The following MTFMT variants were observed in gnomAD, a reference collection of about 807,000 sequenced individuals.
MTFMT encodes mitochondrial methionyl-tRNA formyltransferase, also known as methionyl-tRNA formyltransferase, mitochondrial.
Under a neutral mutation model 51.8 loss-of-function variants are expected in MTFMT, and 47 were observed. The observed-to-expected ratio is 0.91, with a 90% CI of 0.72 to 1.16. The LOEUF is 1.16. MTFMT is among the 50% of genes most tolerant of loss of function. The probability of loss-of-function intolerance (pLI) is 0.00; values close to 1 mark genes in which losing one functional copy is unlikely to be tolerated. For missense variants in MTFMT, 512 were observed against 482.3 expected (o/e 1.06, Z -0.58); for synonymous variants, 196 against 176.7 (o/e 1.11, Z -0.87).
chr15:65,025,779 G>C (rs2086417832), intron 2 of MTFMT, among the ~76,000 whole-genome samples: 1 of 152,136 alleles, frequency 6.6e-6, no homozygotes. Context: ...TAGGTATTAG[G>C]GGACTAGAGT....
At chr15:65,027,076 A>G in intron 1 of MTFMT, 36 bp from the exon 2 acceptor site, 1 of 1,520,198 alleles carries the variant, frequency 6.6e-7, no homozygotes, top group East Asian at 2.3e-5. Context: ...GACAGTGTTA[A>G]GGCAATGACT....
intron 1 of MTFMT, 128 bp downstream of exon 1, chr15:65,029,277 A>G: frequency 1.5e-6 from 2 of 1,296,354 alleles, no homozygotes; most frequent in South Asian, 2.3e-5. Flanking sequence ...AGACGCCGAG[A>G]TCTGGGCCCA....
In MTFMT at chr15:65,027,147, T is replaced by C. The variant is rs1595893777; in HGVS notation, c.210-107A>G. The C allele has an allele frequency of 2.3e-5, 18 of 792,218 alleles. No individual in the cohort carries two copies. The East Asian group carries it at 4.8e-4, about 21-fold the overall frequency. The allele number at this position is 792,218 out of a possible 1,614,324, so 49.1% of individuals were successfully genotyped here. Reference sequence around the variant, plus strand: ...TTTATGATTAATCTCATGAAGCATTTAGGGCTAAATGATTAAAACTAGTGT... The same window carrying C: ...TTTATGATTAATCTCATGAAGCATTCAGGGCTAAATGATTAAAACTAGTGT... On this transcript the variant is annotated intron_variant, in intron 1 of 8. Transcript: ENST00000220058.
chr15:65,016,566 TCAGTGTCCATGAATTGA>T, intron 5 of MTFMT, 39 bp from the exon 6 acceptor site: 1 of 1,363,228 alleles, frequency 7.3e-7, no homozygotes, highest in Non-Finnish European at 1.0e-6. Flanking sequence ...AACATCAGGG[TCAGTGTCCATGAATTGA>T]CAGCTATTGA....
rs2140485903 is a variant in MTFMT at position 65,021,503 on chromosome 15, G to C, written c.645+11C>G. Reference sequence around the variant, plus strand: ...ATGAGTAAAAAGCAGTAGGATATTGGGGAATTATACCATGTTGGCACCCAG... The same window carrying C: ...ATGAGTAAAAAGCAGTAGGATATTGCGGAATTATACCATGTTGGCACCCAG... On this transcript the variant is annotated intron_variant, in intron 4 of 8. Transcript: ENST00000220058. 6.3e-7 allele frequency: 1 copy of C among 1,590,194 alleles called. No individual in the cohort carries two copies. Among genetic ancestry groups the C allele is most frequent in the Non-Finnish European group, 8.6e-7 (1 of 1,159,366 alleles).
At chr15:65,015,437 T>C (rs901369949) in intron 6 of MTFMT, among the ~76,000 whole-genome samples, 1 of 152,222 alleles carries the variant, frequency 6.6e-6, no homozygotes, top group East Asian at 1.9e-4. Context: ...ATAATAACTA[T>C]AACATGAGTC....
rs749250129 is a variant in MTFMT at position 65,003,100 on chromosome 15, G to T, written c.1132C>A (p.Gln378Lys). ...TGTTGCATAGCAACAGTTTTTTTCT[G>T]CTTCTTCTTTGTTGGAAGTCTGAGA... ...QTLRLPTKKK[Q>K]KKTVAMQQCI... is the part of the protein sequence containing the mutation. Residue 378 changes from glutamine (Q) to lysine (K), a missense_variant, in exon 9 of 9, where the codon CAG becomes AAG. Gln to Lys is a moderately conservative substitution (Grantham distance 53). Transcript: ENST00000220058. 3.1e-6 allele frequency: 5 copies of T among 1,600,568 alleles called. No individual in the cohort carries two copies. The highest frequency in any genetic ancestry group is 3.4e-5 in the Admixed American group (2 of 58,050).
intron 2 of MTFMT, among the ~76,000 whole-genome samples, chr15:65,025,151 T>C (rs1406484488): frequency 6.6e-6 from 1 of 151,396 alleles, no homozygotes; most frequent in Non-Finnish European, 1.5e-5. Context: ...TCCCAAAACT[T>C]TGGGAGGCCA....
chr15:65,005,087 AC>A (rs1333262511), intron 7 of MTFMT, among the ~76,000 whole-genome samples, 151 bp from the exon 8 acceptor site: 1 of 152,252 alleles, frequency 6.6e-6, no homozygotes, highest in African/African-American at 2.4e-5. Context: ...ACCAAAACTT[AC>A]AAGGAAACCA....
Position 65,002,631 on chromosome 15 carries a change from ATCTTC to A in MTFMT, c.*426_*430del, listed in dbSNP as rs1035318385. The A allele has an allele frequency of 6.6e-6, 1 of 151,918 alleles. No individual in the cohort carries two copies. Among genetic ancestry groups the A allele is most frequent in the African/African-American group, 2.4e-5 (1 of 41,310 alleles). The allele number at this position is 151,918 out of a possible 1,614,324, so 9.4% of individuals were successfully genotyped here. On this transcript the variant is annotated 3_prime_UTR_variant, in exon 9 of 9. Coordinates refer to ENST00000220058, the MANE Select transcript of MTFMT (RefSeq NM_139242.4). ...GAGGCAATCCATCTTTTCGGCAATA[ATCTTC>A]TCTTCTTATAATAATGCCATCTTCT...
chr15:65,005,997 G>T, intron 7 of MTFMT, 116 bp downstream of exon 7: 2 of 632,826 alleles, frequency 3.2e-6, no homozygotes, highest in Non-Finnish European at 2.7e-6. Context: ...TATAATTACT[G>T]AACTGAAACA....
At chr15:65,003,399 C>CCTG in intron 8 of MTFMT, 143 bp from the exon 9 acceptor site, 1 of 634,860 alleles carries the variant, frequency 1.6e-6, no homozygotes. Context: ...CAGCACTACA[C>CCTG]TAAGTAACAT....
Position 65,004,867 on chromosome 15 carries a change from AAT to A in MTFMT, c.960_961del (p.Leu321GlyfsTer23). 1 of 1,602,142 alleles carries A rather than the reference AAT, an allele frequency of 6.2e-7. No individual in the cohort carries two copies. The highest frequency in any genetic ancestry group is 1.1e-5 in the South Asian group (1 of 89,380). The stretch of plus-strand genomic sequence containing the variant: ...TGAAAAACATACCTTGCAATAAACC[AAT>A]AGTATTTGTGACTGTTTGTGGTATA... On this transcript the variant is annotated frameshift_variant, in exon 8 of 9. Coordinates refer to ENST00000220058, the MANE Select transcript of MTFMT (RefSeq NM_139242.4). LOFTEE classifies it high-confidence loss of function.
rs780653705 is a variant in MTFMT, at chr15:65,003,245, A to T, written c.987T>A (p.Ile329=). The change falls in exon 9 of 9, where the codon ATT becomes ATA. Residue 329 remains isoleucine (I), a synonymous_variant. Transcript: ENST00000220058. ...TCTTGAGCATCACTGATCGAACACCAATCCAACCATCCTAAAGGGCAAAAT... is the reference window on the plus strand; with the variant it reads ...TCTTGAGCATCACTGATCGAACACCTATCCAACCATCCTAAAGGGCAAAAT... ...ILLVYCKDGW[I]GVRSVMLKKS... is the part of the protein sequence containing the mutation. 6.2e-7 allele frequency: 1 copy of T among 1,612,938 alleles called. No homozygotes were observed. Among genetic ancestry groups the T allele is most frequent in the Non-Finnish European group, 8.5e-7 (1 of 1,179,296 alleles).
rs71447831 is a variant in MTFMT at position 65,013,287 on chromosome 15, C to CTTTTTT, written c.813+3143_813+3148dup. On this transcript the variant is annotated intron_variant, in intron 6 of 8. Transcript: ENST00000220058. The stretch of plus-strand genomic sequence containing the variant: ...TCTTTTATTTTCTTTCTTTCTTCTT[C>CTTTTTT]TTTTTTTTTTAAGAGACAAAGTCTG... Among the ~76,000 whole-genome samples, 489 of 142,782 alleles carry CTTTTTT rather than the reference C, an allele frequency of 3.4e-3. 8 individuals are homozygous for CTTTTTT. Among genetic ancestry groups the CTTTTTT allele is most frequent in the African/African-American group, 9.7e-3 (356 of 36,710 alleles). The allele number at this position is 142,782 out of a possible 152,430, so 93.7% of individuals were successfully genotyped here. A position where few individuals can be genotyped will look rare whatever the true frequency, so the allele number is the denominator to read the frequency against.
At chr15:65,014,237 C>T (rs1431470537) in intron 6 of MTFMT, among the ~76,000 whole-genome samples, 1 of 152,070 alleles carries the variant, frequency 6.6e-6, no homozygotes, top group African/African-American at 2.4e-5. Context: ...AGAGGCTTTC[C>T]CCATCACCGA....
At chr15:65,013,963 A>G (rs1207580951) in intron 6 of MTFMT, among the ~76,000 whole-genome samples, 2 of 151,984 alleles carry the variant, frequency 1.3e-5, no homozygotes, top group Non-Finnish European at 2.9e-5. Flanking sequence ...AACAAAAAAC[A>G]AAAAACAAAA....
At chr15:65,026,651 C>T (rs2086426687) in intron 2 of MTFMT, 180 bp downstream of exon 2, 2 of 613,652 alleles carry the variant, frequency 3.3e-6, no homozygotes, top group Non-Finnish European at 5.6e-6. Flanking sequence ...CTTCAGTTAC[C>T]TGAACCTGGC....
rs1157048299 is a variant in MTFMT at position 65,002,473 on chromosome 15, G to A, written c.*589C>T. 6.6e-6 allele frequency: 1 copy of A among 151,976 alleles called. No homozygotes were observed. The highest frequency in any genetic ancestry group is 1.5e-5 in the Non-Finnish European group (1 of 68,012). The allele number at this position is 151,976 out of a possible 1,614,324, so 9.4% of individuals were successfully genotyped here. ...TAGGTACATACATACACCAGTTAGGGTTGCCCTTGTTCTTAAGGAAAGATA... is the reference window on the plus strand; with the variant it reads ...TAGGTACATACATACACCAGTTAGGATTGCCCTTGTTCTTAAGGAAAGATA... On this transcript the variant is annotated 3_prime_UTR_variant, in exon 9 of 9. Transcript: ENST00000220058.
Sources: gnomAD v4.1 joint callset for allele counts (sites outside exome capture counted in the v4.1 genomes callset) on GRCh38, gnomAD v4.1.1 for gene constraint, MANE v1.5 for transcripts, NCBI Gene and HGNC (gene_info 2026-07-23, HGNC 2026-07-21) for gene names.